The following PDS5A variants were observed in gnomAD, a reference collection of about 807,000 sequenced individuals.
The protein encoded by PDS5A is sister chromatid cohesion protein PDS5 homolog A.
A neutral mutation model predicts 167.1 loss-of-function variants in PDS5A; 42 were observed. The observed-to-expected ratio is 0.25, with a 90% confidence interval of 0.20 to 0.33. The LOEUF (loss-of-function observed/expected upper bound fraction) is 0.33. PDS5A is among the 10% of genes least tolerant of loss of function. The pLI, the probability that PDS5A is intolerant of heterozygous loss-of-function variation, is 1.00. For synonymous variants in PDS5A, 553 were observed against 554.6 expected (o/e 1.00, Z 0.04); for missense variants, 1,033 against 1,605.9 (o/e 0.64, Z 6.10).
intron 2 of PDS5A, among the ~76,000 whole-genome samples, chr4:39,928,586 T>C (rs986575526): frequency 6.6e-6 from 1 of 152,198 alleles, no homozygotes; most frequent in East Asian, 1.9e-4. Flanking sequence ...TTTCATTTCA[T>C]GCTTTAATGA....
chr4:39,860,261 GGGA>G (rs1407361164), intron 26 of PDS5A, among the ~76,000 whole-genome samples: 1 of 151,728 alleles, frequency 6.6e-6, no homozygotes, highest in African/African-American at 2.4e-5. Context: ...GCCAGTAGTT[GGGA>G]GACCAGCCTG....
At chr4:39,937,692 C>T (rs1726760184) in intron 2 of PDS5A, among the ~76,000 whole-genome samples, 1 of 152,138 alleles carries the variant, frequency 6.6e-6, no homozygotes, top group Non-Finnish European at 1.5e-5. Context: ...GTGGTGTAAG[C>T]CACTGTGTCC....
intron 26 of PDS5A, among the ~76,000 whole-genome samples, chr4:39,851,033 TA>T (rs1410696937): frequency 2.0e-5 from 3 of 152,228 alleles, no homozygotes; most frequent in Admixed American, 1.3e-4. Flanking sequence ...CTTAATGGCT[TA>T]AATGATAGTT....
intron 23 of PDS5A, among the ~76,000 whole-genome samples, chr4:39,864,172 TA>T (rs1719233810): frequency 6.6e-6 from 1 of 151,422 alleles, no homozygotes; most frequent in Admixed American, 6.6e-5. Context: ...AAAACTTGAT[TA>T]AAAAAACCAC....
rs746727955 is a variant in PDS5A, at chr4:39,900,498, G to A, written c.1509C>T (p.Asn503=). ...SLDPNAVKAL[N]EMWKCQNMLR... Reference sequence around the variant, plus strand: ...GCATGTTCTGACACTTCCACATTTCGTTGAGAGCTCTGTAAAGTTATGAAT... The same window carrying A: ...GCATGTTCTGACACTTCCACATTTCATTGAGAGCTCTGTAAAGTTATGAAT... The change falls in exon 14 of 33, where the codon AAC becomes AAT. Residue 503 remains asparagine (N), a synonymous_variant. Coordinates refer to ENST00000303538, the MANE Select transcript of PDS5A (RefSeq NM_001100399.2). 7.6e-6 allele frequency: 12 copies of A among 1,571,826 alleles called. No individual in the cohort carries two copies. Among genetic ancestry groups the A allele is most frequent in the Non-Finnish European group, 8.7e-6 (10 of 1,155,014 alleles).
chr4:39,883,664 C>T (rs1721155732), intron 17 of PDS5A, among the ~76,000 whole-genome samples: 1 of 152,118 alleles, frequency 6.6e-6, no homozygotes, highest in Non-Finnish European at 1.5e-5. Context: ...GAGACACAGT[C>T]TCATTCTGTT....
At chr4:39,922,772 T>G (rs753113304) in intron 5 of PDS5A, 24 bp from the exon 6 acceptor site, 3 of 1,266,252 alleles carry the variant, frequency 2.4e-6, no homozygotes, top group Non-Finnish European at 2.1e-6. Context: ...AAAAAAAGAA[T>G]AAGTAGTAGG....
At chr4:39,949,301 C>CA (rs71645201) in intron 2 of PDS5A, among the ~76,000 whole-genome samples, 28,005 of 93,750 alleles carry the variant, frequency 0.3, 4,552 homozygotes, top group East Asian at 0.44. Flanking sequence ...GAACCTATCT[C>CA]AAAAAAAAAA....
intron 32 of PDS5A, among the ~76,000 whole-genome samples, chr4:39,827,721 A>G (rs1578555908): frequency 6.6e-6 from 1 of 152,278 alleles, no homozygotes; most frequent in East Asian, 1.9e-4. Flanking sequence ...CTCCCACACT[A>G]AGCATGCTAA....
chr4:39,862,818 T>A, intron 25 of PDS5A, 51 bp downstream of exon 25: 4 of 1,179,418 alleles, frequency 3.4e-6, no homozygotes, highest in Non-Finnish European at 4.9e-6. Flanking sequence ...AACCTAAAAA[T>A]GGATACATTG....
At chr4:39,947,070 C>T (rs1178475299) in intron 2 of PDS5A, among the ~76,000 whole-genome samples, 2 of 152,044 alleles carry the variant, frequency 1.3e-5, no homozygotes, top group African/African-American at 4.8e-5. Flanking sequence ...CAGGAAGACC[C>T]TATCTCTATT....
chr4:39,970,142 G>A (rs569635691), intron 2 of PDS5A, among the ~76,000 whole-genome samples: 35 of 151,862 alleles, frequency 2.3e-4, no homozygotes, highest in Non-Finnish European at 4.7e-4. Context: ...GAGCCACCGC[G>A]CCCAGCCTGT....
At position 39,908,374 on chromosome 4, in the gene PDS5A, A is replaced by G. The variant is rs1203083429; in HGVS notation, c.1233+21T>C. On this transcript the variant is annotated intron_variant, in intron 11 of 32. Coordinates refer to ENST00000303538, the MANE Select transcript of PDS5A (RefSeq NM_001100399.2). ...AATTTAAACAGTAAATTACAGAAGA[A>G]TAAAATGCCTCAGATTTTACCCGTT... The G allele has an allele frequency of 4.4e-6, 7 of 1,597,890 alleles. 1 individual carries two copies. In the South Asian group the frequency reaches 7.7e-5, roughly 18 times the overall value.
intron 18 of PDS5A, among the ~76,000 whole-genome samples, chr4:39,878,873 A>G (rs1438002040): frequency 6.6e-6 from 1 of 151,958 alleles, no homozygotes; most frequent in Non-Finnish European, 1.5e-5. Flanking sequence ...CCTCCGAAGT[A>G]GCTGTGACTA....
intron 2 of PDS5A, among the ~76,000 whole-genome samples, chr4:39,969,713 A>C (rs1730321950): frequency 6.6e-6 from 1 of 152,046 alleles, no homozygotes; most frequent in Admixed American, 6.6e-5. Context: ...TTTTCAAATT[A>C]TCCTTTACTT....
At position 39,874,870 on chromosome 4, in the gene PDS5A, G is replaced by A. The variant is rs141797231; in HGVS notation, c.2154-458C>T. Among the ~76,000 whole-genome samples, 884 of 152,236 alleles carry A rather than the reference G, an allele frequency of 5.8e-3. 9 individuals carry two copies. The highest frequency in any genetic ancestry group is 0.02 in the African/African-American group (814 of 41,546). On this transcript the variant is annotated intron_variant, in intron 19 of 32. Coordinates refer to ENST00000303538, the MANE Select transcript of PDS5A (RefSeq NM_001100399.2). ...ATACTAGTGAAAGAAAGTATGCAAAGATACAGCTACATATATATCAGTAGA... is the reference window on the plus strand; with the variant it reads ...ATACTAGTGAAAGAAAGTATGCAAAAATACAGCTACATATATATCAGTAGA...
intron 13 of PDS5A, among the ~76,000 whole-genome samples, chr4:39,901,264 TTC>T (rs1194639995): frequency 7.7e-6 from 1 of 130,058 alleles, no homozygotes; most frequent in African/African-American, 2.8e-5. Context: ...TTTCTTTTCT[TTC>T]TTTTTTTTTT....
intron 2 of PDS5A, among the ~76,000 whole-genome samples, chr4:39,960,397 G>C (rs993352895): frequency 2.0e-5 from 3 of 152,176 alleles, no homozygotes; most frequent in African/African-American, 7.2e-5. Context: ...AGGGATTCTG[G>C]GTCTAGGCAC....
At chr4:39,940,738 C>T (rs971184776) in intron 2 of PDS5A, among the ~76,000 whole-genome samples, 1 of 152,236 alleles carries the variant, frequency 6.6e-6, no homozygotes, top group African/African-American at 2.4e-5. Flanking sequence ...CTGCAGCCTC[C>T]ACCTCCAGGG....
Sources: gnomAD v4.1 joint callset for allele counts (sites outside exome capture counted in the v4.1 genomes callset) on GRCh38, gnomAD v4.1.1 for gene constraint, MANE v1.5 for transcripts, NCBI Gene and HGNC (gene_info 2026-07-23, HGNC 2026-07-21) for gene names.